The following MTR variants were observed in gnomAD, a reference collection of about 807,000 sequenced individuals.
MTR encodes the protein methionine synthase.
MTR carries 84 observed loss-of-function variants against 154.8 expected under a neutral mutation model. That is an observed-to-expected ratio of 0.54 (90% CI 0.45 to 0.65). MTR has a LOEUF of 0.65. Ranked by LOEUF, MTR falls within the 30% of genes least tolerant of loss-of-function variation. The pLI is 0.00. For missense variants in MTR, 1,275 were observed against 1,570.2 expected, an observed-to-expected ratio of 0.81 and a Z score of 3.18; for synonymous variants, 554 against 553.9, an observed-to-expected ratio of 1.00 and a Z score of 0.00.
chr1:236,900,000 A>G lies in MTR; in HGVS notation c.*2356A>G, dbSNP rs1666848920. ...TAAACAGGCACCACTGCTTTAAAAA[A>G]CAATTATCCCTTACAGACTTGAACA... On this transcript the variant is annotated 3_prime_UTR_variant, in exon 33 of 33. Coordinates refer to ENST00000366577, the MANE Select transcript of MTR (RefSeq NM_000254.3). The G allele has an allele frequency of 4.9e-6, 1 of 203,010 alleles. No homozygotes were observed. Among genetic ancestry groups the G allele is most frequent in the Non-Finnish European group, 1.0e-5 (1 of 96,328 alleles). 12.6% of individuals were successfully genotyped at this position (203,010 alleles called of 1,614,324 possible). A position where few individuals can be genotyped will look rare whatever the true frequency, so the allele number is the denominator to read the frequency against.
intron 15 of MTR, among the ~76,000 whole-genome samples, chr1:236,848,649 A>T (rs914735528): frequency 2.0e-5 from 3 of 152,118 alleles, no homozygotes; most frequent in Non-Finnish European, 4.4e-5. Context: ...ACCTTCCCTA[A>T]AGCCTGGGTG....
intron 6 of MTR, among the ~76,000 whole-genome samples, chr1:236,813,401 A>G (rs1021798054): frequency 1.3e-5 from 2 of 152,212 alleles, no homozygotes; most frequent in African/African-American, 4.8e-5. Flanking sequence ...TACAAGTTAA[A>G]TTGCTGAATC....
chr1:236,802,133 A>C (rs1421103551), intron 1 of MTR, among the ~76,000 whole-genome samples: 3 of 152,198 alleles, frequency 2.0e-5, no homozygotes, highest in African/African-American at 7.2e-5. Flanking sequence ...TTGGGATCTA[A>C]GTAGATGTTG....
chr1:236,809,276 A>G (rs555281066), intron 4 of MTR, among the ~76,000 whole-genome samples: 2 of 152,324 alleles, frequency 1.3e-5, no homozygotes, highest in East Asian at 1.9e-4. Flanking sequence ...GAAGCACACA[A>G]AAAAGTGTGG....
chr1:236,879,360 A>G (rs1558333477), intron 24 of MTR, among the ~76,000 whole-genome samples: 1 of 152,220 alleles, frequency 6.6e-6, no homozygotes, highest in Non-Finnish European at 1.5e-5. Context: ...TAAAAATACA[A>G]TTGCATTAAA....
At chr1:236,897,310 G>GCGCGCGCACACACACACACA in intron 32 of MTR, among the ~76,000 whole-genome samples, 192 bp downstream of exon 32, 53 of 128,676 alleles carry the variant, frequency 4.1e-4, no homozygotes, top group African/African-American at 1.0e-3. Flanking sequence ...CCACACACAC[G>GCGCGCGCACACACACACACA]CACACACACA....
At position 236,795,571 on chromosome 1, in the gene MTR, G is replaced by A. The variant is rs886046216; in HGVS notation, c.-133G>A. The A allele has an allele frequency of 3.8e-5, 59 of 1,569,586 alleles. No homozygotes were observed. The highest frequency in any genetic ancestry group is 5.1e-5 in the Non-Finnish European group (59 of 1,163,058). Reference sequence around the variant, plus strand: ...AGTCCCCCCGCGACGCGAGCCAACGGGAGGCGTCAAAAGACCCGGGCCTTG... The same window carrying A: ...AGTCCCCCCGCGACGCGAGCCAACGAGAGGCGTCAAAAGACCCGGGCCTTG... On this transcript the variant is annotated 5_prime_UTR_variant, in exon 1 of 33. Transcript: ENST00000366577.
At chr1:236,892,839 G>T (rs898750379) in intron 29 of MTR, among the ~76,000 whole-genome samples, 2 of 152,094 alleles carry the variant, frequency 1.3e-5, no homozygotes, top group African/African-American at 4.8e-5. Flanking sequence ...TGTCCTCTGC[G>T]ATCTCTTTTT....
In MTR at chr1:236,898,258, C is replaced by A. The variant is rs939351388; in HGVS notation, c.*614C>A. 9.8e-5 allele frequency: 15 copies of A among 152,686 alleles called. No individual in the cohort carries two copies. Among genetic ancestry groups the A allele is most frequent in the African/African-American group, 1.9e-4 (8 of 41,410 alleles). 9.5% of individuals were successfully genotyped at this position (152,686 alleles called of 1,614,324 possible). A position where few individuals can be genotyped will look rare whatever the true frequency, so the allele number is the denominator to read the frequency against. The stretch of plus-strand genomic sequence containing the variant: ...TCAGAAACACTGAAGCCATTTGCCC[C>A]AGTGTGGTCAAGCAGCCATGCTTTC... On this transcript the variant is annotated 3_prime_UTR_variant, in exon 33 of 33. Coordinates refer to ENST00000366577, the MANE Select transcript of MTR (RefSeq NM_000254.3).
chr1:236,806,422 A>G (rs1660989226), intron 3 of MTR, among the ~76,000 whole-genome samples, 189 bp downstream of exon 3: 2 of 152,204 alleles, frequency 1.3e-5, no homozygotes, highest in African/African-American at 4.8e-5. Context: ...TCATTTTCCA[A>G]CTGGCTTCTT....
At chr1:236,852,903 T>A (rs766860393) in intron 17 of MTR, 45 bp from the exon 18 acceptor site, 4 of 1,610,540 alleles carry the variant, frequency 2.5e-6, no homozygotes, top group South Asian at 2.2e-5. Flanking sequence ...ATCGCTGACT[T>A]AAGGTATCAC....
intron 5 of MTR, 100 bp downstream of exon 5, chr1:236,810,695 T>G: frequency 1.0e-6 from 1 of 968,372 alleles, no homozygotes; most frequent in Non-Finnish European, 1.7e-6. Flanking sequence ...AGGATCTACC[T>G]TAGAGTTACT....
At chr1:236,875,330 G>C (rs1665370230) in intron 24 of MTR, among the ~76,000 whole-genome samples, 1 of 152,146 alleles carries the variant, frequency 6.6e-6, no homozygotes. Context: ...TGAACTAAAT[G>C]GTCACTTTGG....
At chr1:236,847,175 T>C (rs1404221543) in intron 15 of MTR, among the ~76,000 whole-genome samples, 2 of 152,068 alleles carry the variant, frequency 1.3e-5, no homozygotes, top group East Asian at 3.9e-4. Context: ...ATGTGAGCCA[T>C]TGTACTGGGC....
At chr1:236,863,738 T>A (rs989996654) in intron 22 of MTR, among the ~76,000 whole-genome samples, 184 bp downstream of exon 22, 6 of 152,192 alleles carry the variant, frequency 3.9e-5, no homozygotes, top group African/African-American at 1.4e-4. Flanking sequence ...TCAAATGAAA[T>A]AAGTTAGTAA....
chr1:236,840,146 G>A (rs958795954), intron 15 of MTR, among the ~76,000 whole-genome samples: 1 of 152,010 alleles, frequency 6.6e-6, no homozygotes, highest in African/African-American at 2.4e-5. Flanking sequence ...TGCATTTTTT[G>A]TATGAAAGAT....
intron 18 of MTR, among the ~76,000 whole-genome samples, chr1:236,857,101 G>A (rs557160403): frequency 2.0e-5 from 3 of 152,224 alleles, no homozygotes; most frequent in Non-Finnish European, 2.9e-5. Flanking sequence ...TTGAGGAATC[G>A]CTGCACTGCC....
intron 22 of MTR, among the ~76,000 whole-genome samples, chr1:236,869,931 G>C (rs986732721): frequency 3.9e-5 from 6 of 152,172 alleles, no homozygotes; most frequent in African/African-American, 1.4e-4. Flanking sequence ...GGATGCTTCT[G>C]GTTGTCACCC....
chr1:236,860,410 GT>G (rs990463634), intron 19 of MTR, among the ~76,000 whole-genome samples: 4 of 105,550 alleles, frequency 3.8e-5, no homozygotes, highest in South Asian at 3.6e-4. Flanking sequence ...GTTTTGTTTT[GT>G]TTTTTTTTGG....
Sources: gnomAD v4.1 joint callset for allele counts (sites outside exome capture counted in the v4.1 genomes callset) on GRCh38, gnomAD v4.1.1 for gene constraint, MANE v1.5 for transcripts, NCBI Gene and HGNC (gene_info 2026-07-23, HGNC 2026-07-21) for gene names.